Variants in RUFY3 observed in about 807,000 individuals in gnomAD.
RUFY3 encodes RUN and FYVE domain containing 3.
In RUFY3, 34 loss-of-function variants were observed where a neutral mutation model predicts 84.0. The ratio of observed to expected loss-of-function variants is 0.40; its 90% confidence interval spans 0.31 to 0.54. RUFY3 has a LOEUF of 0.54. Ranked by LOEUF, RUFY3 falls within the 20% of genes least tolerant of loss-of-function variation. The pLI is 0.39. For synonymous variants in RUFY3, 242 were observed against 252.9 expected (o/e 0.96, Z 0.41); for missense variants, 507 against 736.8 (o/e 0.69, Z 3.61).
At chr4:70,751,099 G>A (rs927707353) in intron 1 of RUFY3, among the ~76,000 whole-genome samples, 2 of 152,038 alleles carry the variant, frequency 1.3e-5, no homozygotes, top group East Asian at 3.9e-4. Context: ...AGATTCAGGG[G>A]CTACATGCGC....
At position 70,795,470 on chromosome 4, in the gene RUFY3, A is replaced by T. The variant is rs369485804; in HGVS notation, c.1557+576A>T. On this transcript the variant is annotated intron_variant, in intron 14 of 17. Transcript: ENST00000381006. ...AGAAGGAGACCCCTCCAGCACCTCC[A>T]GTGATGAAGGAGCTACAATTGGGTA... Among the ~76,000 whole-genome samples the T allele has an allele frequency of 2.6e-5, 4 of 152,326 alleles. No homozygotes were observed. In the East Asian group the frequency reaches 7.7e-4, roughly 29 times the overall value.
intron 16 of RUFY3, 193 bp downstream of exon 16, chr4:70,803,176 A>C: frequency 2.2e-6 from 1 of 458,020 alleles, no homozygotes; most frequent in East Asian, 3.3e-5. Flanking sequence ...CAGTTTACTA[A>C]GTAAACATCA....
chr4:70,762,380 T>C (rs1725181789), intron 1 of RUFY3, 139 bp from the exon 2 acceptor site: 8 of 689,084 alleles, frequency 1.2e-5, no homozygotes, highest in Non-Finnish European at 2.0e-5. Context: ...ATTTTACTGC[T>C]TCATTGAGGA....
At chr4:70,779,157 A>G (rs1728479578) in intron 8 of RUFY3, among the ~76,000 whole-genome samples, 1 of 152,192 alleles carries the variant, frequency 6.6e-6, no homozygotes, top group South Asian at 2.1e-4. Context: ...ACTCCCCACC[A>G]CTTATGTCCT....
At chr4:70,705,257 G>GAGCGGCGGCGGCGGC (rs1553894077) in exon 1 of RUFY3, 46 of 1,444,996 alleles carry the variant, frequency 3.2e-5, no homozygotes, top group Middle Eastern at 2.4e-4. Flanking sequence ...TGAGCTACCC[G>GAGCGGCGGCGGCGGC]AGCGGCGGCG....
At chr4:70,785,683 A>G (rs965977381) in intron 10 of RUFY3, among the ~76,000 whole-genome samples, 1 of 151,808 alleles carries the variant, frequency 6.6e-6, no homozygotes, top group Non-Finnish European at 1.5e-5. Flanking sequence ...ACAAAAAAAA[A>G]AAAATCAGCC....
At chr4:70,778,489 T>C (rs372081743) in intron 8 of RUFY3, 51 bp downstream of exon 8, 2 of 972,272 alleles carry the variant, frequency 2.1e-6, no homozygotes, top group African/African-American at 3.3e-5. Context: ...TATGCATTAG[T>C]AGAACCAATA....
At chr4:70,775,458 C>A (rs1372160282) in intron 7 of RUFY3, among the ~76,000 whole-genome samples, 1 of 150,852 alleles carries the variant, frequency 6.6e-6, no homozygotes, top group Non-Finnish European at 1.5e-5. Context: ...TATATAATAA[C>A]ATAGTATATA....
chr4:70,760,286 A>G (rs1724800102), intron 1 of RUFY3, among the ~76,000 whole-genome samples: 1 of 152,160 alleles, frequency 6.6e-6, no homozygotes, highest in Non-Finnish European at 1.5e-5. Flanking sequence ...TCAATATGAT[A>G]TTTTTTACTT....
intron 3 of RUFY3, 86 bp downstream of exon 3, chr4:70,763,755 C>G (rs890723240): frequency 2.1e-6 from 3 of 1,459,928 alleles, no homozygotes; most frequent in African/African-American, 1.4e-5. Context: ...CAATTATGTA[C>G]GAATAATTTA....
At chr4:70,795,126 A>C (rs373432294) in intron 14 of RUFY3, among the ~76,000 whole-genome samples, 1 of 152,222 alleles carries the variant, frequency 6.6e-6, no homozygotes, top group Non-Finnish European at 1.5e-5. Flanking sequence ...TTTAATAATC[A>C]CAGTGACCCT....
At position 70,756,079 on chromosome 4, in the gene RUFY3, A is replaced by G. The variant is rs189561345; in HGVS notation, c.179-6440A>G. Among the ~76,000 whole-genome samples the G allele has an allele frequency of 1.3e-3, 192 of 152,240 alleles. 5 individuals carry two copies. The highest frequency in any genetic ancestry group is 0.011 in the Admixed American group (170 of 15,290). On this transcript the variant is annotated intron_variant, in intron 1 of 17. Coordinates refer to ENST00000381006, the MANE Select transcript of RUFY3 (RefSeq NM_001037442.4). Reference sequence around the variant, plus strand: ...TCTTGCTGTATTCCCCACCAATGTGATCTGCACCATCGTCCATCTAATCGC... The same window carrying G: ...TCTTGCTGTATTCCCCACCAATGTGGTCTGCACCATCGTCCATCTAATCGC...
At chr4:70,742,121 T>A (rs1560478762) in intron 1 of RUFY3, among the ~76,000 whole-genome samples, 1 of 152,188 alleles carries the variant, frequency 6.6e-6, no homozygotes, top group Non-Finnish European at 1.5e-5. Context: ...TGTCATGTCA[T>A]AGCATTCTTT....
In RUFY3 at chr4:70,722,515, G is replaced by C. The variant is rs1175778081; in HGVS notation, c.-59G>C. The C allele has an allele frequency of 1.5e-5, 21 of 1,419,834 alleles. No individual in the cohort carries two copies. The highest frequency in any genetic ancestry group is 4.7e-6 in the Non-Finnish European group (5 of 1,071,620). The allele number at this position is 1,419,834 out of a possible 1,614,324, so 88.0% of individuals were successfully genotyped here. A position where few individuals can be genotyped will look rare whatever the true frequency, so the allele number is the denominator to read the frequency against. On this transcript the variant is annotated 5_prime_UTR_variant, in exon 1 of 18. Transcript: ENST00000381006. The stretch of plus-strand genomic sequence containing the variant: ...TGAGGAGGTTGTATTTATTTTTTTG[G>C]TGTGTGTGTGTGAGTGTGTGTGTGT...
intron 4 of RUFY3, among the ~76,000 whole-genome samples, chr4:70,767,259 ATTTTTTTTT>A (rs779388140): frequency 6.0e-5 from 3 of 49,690 alleles, no homozygotes; most frequent in Admixed American, 2.3e-4. Context: ...CTAATTTTGT[ATTTTTTTTT>A]TTTTTTTTTT....
intron 1 of RUFY3, among the ~76,000 whole-genome samples, chr4:70,711,388 CTT>C (rs2148560169): frequency 6.6e-6 from 1 of 152,294 alleles, no homozygotes; most frequent in East Asian, 1.9e-4. Context: ...AATGGTCAAA[CTT>C]TCAGAACCCC....
intron 16 of RUFY3, 101 bp from the exon 17 acceptor site, chr4:70,804,247 A>G (rs1045126462): frequency 1.2e-5 from 11 of 888,514 alleles, no homozygotes; most frequent in Middle Eastern, 2.1e-4. Flanking sequence ...CAGATAGTCT[A>G]TAGTGTGATT....
At chr4:70,775,375 C>T (rs1455421656) in intron 7 of RUFY3, 142 bp downstream of exon 7, 2 of 486,592 alleles carry the variant, frequency 4.1e-6, no homozygotes, top group Non-Finnish European at 7.3e-6. Context: ...CTGAGTTAGG[C>T]ACTAGATAAA....
intron 1 of RUFY3, among the ~76,000 whole-genome samples, chr4:70,712,569 T>C (rs1741111911): frequency 1.3e-5 from 2 of 152,152 alleles, no homozygotes; most frequent in South Asian, 4.1e-4. Context: ...TTTTTAAAAT[T>C]TTTCATAGAA....
Sources: gnomAD v4.1 joint callset for allele counts (sites outside exome capture counted in the v4.1 genomes callset) on GRCh38, gnomAD v4.1.1 for gene constraint, MANE v1.5 for transcripts, NCBI Gene and HGNC (gene_info 2026-07-23, HGNC 2026-07-21) for gene names.